Variants in CCSER1 observed in about 807,000 individuals in gnomAD.
The protein encoded by CCSER1 is serine-rich coiled-coil domain-containing protein 1.
Under a neutral mutation model 82.0 loss-of-function variants are expected in CCSER1, and 41 were observed. That is an observed-to-expected ratio of 0.50 (90% confidence interval 0.39 to 0.65). CCSER1 has a LOEUF of 0.65. Among genes scored for constraint, CCSER1 ranks in the 30% least tolerant of loss-of-function variants. CCSER1 has a pLI of 0.00. For missense variants in CCSER1, 1,119 were observed against 1,064.2 expected, an observed-to-expected ratio of 1.05 and a Z score of -0.72; for synonymous variants, 414 against 383.9, an observed-to-expected ratio of 1.08 and a Z score of -0.92.
chr4:91,036,361 A>G (rs1226549617), intron 9 of CCSER1, among the ~76,000 whole-genome samples: 1 of 152,086 alleles, frequency 6.6e-6, no homozygotes, highest in Non-Finnish European at 1.5e-5. Flanking sequence ...TTTTCTTTAA[A>G]TCTATAAATT....
chr4:90,619,837 A>G (rs936963345), intron 5 of CCSER1, among the ~76,000 whole-genome samples: 1 of 152,076 alleles, frequency 6.6e-6, no homozygotes, highest in African/African-American at 2.4e-5. Context: ...TACATTCATT[A>G]ATTCTGATTC....
intron 1 of CCSER1, among the ~76,000 whole-genome samples, chr4:90,276,235 TTTCTTTCTTTCTTTCTTTCCTTCC>T (rs1727605044): frequency 3.7e-5 from 4 of 109,152 alleles, no homozygotes; most frequent in Middle Eastern, 4.4e-3. Flanking sequence ...TCTTTCTTTC[TTTCTTTCTTTCTTTCTTTCCTTCC>T]TTCCTTCCTT....
intron 1 of CCSER1, among the ~76,000 whole-genome samples, chr4:90,200,194 C>G (rs1406051842): frequency 1.3e-5 from 2 of 151,906 alleles, no homozygotes; most frequent in African/African-American, 4.8e-5. Flanking sequence ...GTGTTATCTC[C>G]TTCCCAGAGT....
chr4:90,797,206 T>C (rs1030102344), intron 7 of CCSER1, among the ~76,000 whole-genome samples: 2 of 152,224 alleles, frequency 1.3e-5, no homozygotes, highest in African/African-American at 4.8e-5. Context: ...CTAGATCTTA[T>C]TGTTGTATTG....
intron 10 of CCSER1, among the ~76,000 whole-genome samples, chr4:91,537,158 C>A (rs1253339824): frequency 6.6e-6 from 1 of 151,972 alleles, no homozygotes; most frequent in Non-Finnish European, 1.5e-5. Context: ...TTTACAGCAT[C>A]CCTGTGAAAG....
At chr4:90,850,455 C>A (rs550424423) in intron 8 of CCSER1, among the ~76,000 whole-genome samples, 1 of 152,352 alleles carries the variant, frequency 6.6e-6, no homozygotes, top group Non-Finnish European at 1.5e-5. Flanking sequence ...TGGCCTTTAT[C>A]CTGCAAATCT....
chr4:90,998,281 T>C (rs186700511), intron 9 of CCSER1, among the ~76,000 whole-genome samples: 13 of 152,224 alleles, frequency 8.5e-5, no homozygotes, highest in Admixed American at 7.9e-4. Context: ...GGTTTCTCCA[T>C]GTTGATCAAG....
At chr4:90,534,364 C>T (rs891571908) in intron 5 of CCSER1, among the ~76,000 whole-genome samples, 1 of 151,972 alleles carries the variant, frequency 6.6e-6, no homozygotes, top group African/African-American at 2.4e-5. Flanking sequence ...CTTCTGACCT[C>T]GTGATCCGCC....
chr4:91,364,991 T>TG lies in CCSER1; in HGVS notation c.2218-233580dup, dbSNP rs201954568. ...TAACCTAGCCACTGTAAAGTTAACC[T>TG]GTATCCACAATATAAGTGACAAATG... is the stretch of plus-strand genomic sequence containing the variant. On this transcript the variant is annotated intron_variant, in intron 10 of 10. Coordinates refer to ENST00000509176, the MANE Select transcript of CCSER1 (RefSeq NM_001145065.2). 6.2e-3 allele frequency among the ~76,000 whole-genome samples: 938 copies of TG among 152,252 alleles called. 14 individuals carry two copies. Among genetic ancestry groups the TG allele is most frequent in the African/African-American group, 0.021 (876 of 41,560 alleles).
chr4:91,597,150 A>G (rs1195534560), intron 10 of CCSER1, among the ~76,000 whole-genome samples: 1 of 152,026 alleles, frequency 6.6e-6, no homozygotes. Context: ...GTAGATAATC[A>G]AGCAGACGGC....
At chr4:90,882,954 A>G (rs1721566523) in intron 8 of CCSER1, among the ~76,000 whole-genome samples, 1 of 152,076 alleles carries the variant, frequency 6.6e-6, no homozygotes, top group Non-Finnish European at 1.5e-5. Flanking sequence ...ATATTTATCA[A>G]GTACTTTATG....
intron 9 of CCSER1, among the ~76,000 whole-genome samples, chr4:90,966,417 G>T (rs1198385145): frequency 6.6e-6 from 1 of 152,038 alleles, no homozygotes; most frequent in Non-Finnish European, 1.5e-5. Context: ...CAAAAGCAGG[G>T]AGGCCAGAAG....
intron 10 of CCSER1, among the ~76,000 whole-genome samples, chr4:91,385,547 A>G (rs1235271846): frequency 6.6e-6 from 1 of 151,884 alleles, no homozygotes; most frequent in Non-Finnish European, 1.5e-5. Context: ...ATTTAAAGAG[A>G]TAGGAAGTAA....
chr4:90,398,968 G>A (rs907634210), intron 3 of CCSER1, among the ~76,000 whole-genome samples: 12 of 152,046 alleles, frequency 7.9e-5, no homozygotes, highest in South Asian at 2.1e-4. Flanking sequence ...TTAGCTTTCC[G>A]TAATGAATAC....
chr4:91,306,430 T>C (rs1166319200), intron 10 of CCSER1, among the ~76,000 whole-genome samples: 1 of 152,070 alleles, frequency 6.6e-6, no homozygotes, highest in Admixed American at 6.6e-5. Context: ...AAGCATTTGC[T>C]TTTTGAAAGC....
intron 7 of CCSER1, among the ~76,000 whole-genome samples, chr4:90,793,439 G>C (rs1244178189): frequency 6.6e-6 from 1 of 152,058 alleles, no homozygotes; most frequent in Admixed American, 6.6e-5. Context: ...GCAGTATTTG[G>C]TTTTCTTTTC....
chr4:90,160,222 A>G (rs1729176303), intron 1 of CCSER1, among the ~76,000 whole-genome samples: 1 of 152,136 alleles, frequency 6.6e-6, no homozygotes, highest in Admixed American at 6.5e-5. Context: ...TAGACTGGAG[A>G]CAGTTGTGCT....
In CCSER1 at chr4:90,309,271, A is replaced by G. The variant is rs763526079; in HGVS notation, c.987A>G (p.Gln329=). ...MSPGKYRLEG[Q]CSTESNSLPE... Reference sequence around the variant, plus strand: ...CTGGGAAATATAGGTTAGAGGGTCAATGTAGCACTGAATCTAATTCATTAC... The same window carrying G: ...CTGGGAAATATAGGTTAGAGGGTCAGTGTAGCACTGAATCTAATTCATTAC... The change falls in exon 2 of 11, where the codon CAA becomes CAG. Residue 329 remains glutamine (Q), a synonymous_variant. Transcript: ENST00000509176. 7.4e-6 allele frequency: 12 copies of G among 1,613,894 alleles called. No individual in the cohort carries two copies. Among genetic ancestry groups the G allele is most frequent in the Admixed American group, 1.7e-5 (1 of 59,976 alleles).
chr4:91,320,240 T>G (rs1746107204), intron 10 of CCSER1, among the ~76,000 whole-genome samples: 2 of 152,028 alleles, frequency 1.3e-5, no homozygotes, highest in Non-Finnish European at 2.9e-5. Context: ...AAAACATTCA[T>G]ATGTCAAGGT....
Sources: allele counts gnomAD v4.1 joint callset (sites outside exome capture counted in the v4.1 genomes callset), GRCh38; gene constraint gnomAD v4.1.1; transcripts MANE v1.5; gene names NCBI Gene and HGNC (gene_info 2026-07-23, HGNC 2026-07-21).